YAE1: variants seen among roughly 807,000 people sequenced by gnomAD.
YAE1 encodes YAE1 maturation factor of ABCE1.
YAE1 carries 22 observed loss-of-function variants against 23.0 expected under a neutral mutation model. The ratio of observed to expected loss-of-function variants is 0.96; its 90% confidence interval spans 0.68 to 1.37. YAE1 has a LOEUF of 1.37. Among genes scored for constraint, YAE1 ranks in the 40% most tolerant of loss-of-function variants. The probability of loss-of-function intolerance (pLI) is 0.00; values close to 1 mark genes in which losing one functional copy is unlikely to be tolerated. For missense variants in YAE1, 260 were observed against 262.1 expected, an observed-to-expected ratio of 0.99 and a Z score of 0.06; for synonymous variants, 101 against 97.0, an observed-to-expected ratio of 1.04 and a Z score of -0.24.
downstream of YAE1, among the ~76,000 whole-genome samples, chr7:39,576,765 A>ACATAGATG (rs1790661806): frequency 6.6e-6 from 1 of 152,168 alleles, no homozygotes; most frequent in Non-Finnish European, 1.5e-5. Flanking sequence ...CACACCCTGT[A>ACATAGATG]CATAGATGCA....
intron 2 of YAE1, among the ~76,000 whole-genome samples, chr7:39,571,251 T>C (rs1472636602): frequency 6.6e-6 from 1 of 151,402 alleles, no homozygotes; most frequent in Non-Finnish European, 1.5e-5. Flanking sequence ...TTATGAAATT[T>C]TTTTCATGAT....
At chr7:39,588,234 G>A (rs901826915) in intron 2 of YAE1, among the ~76,000 whole-genome samples, 4 of 152,198 alleles carry the variant, frequency 2.6e-5, no homozygotes, top group African/African-American at 7.2e-5. Context: ...AAAATGGGCC[G>A]GACGTGGTGG....
At chr7:39,585,370 GA>G (rs1396278930) in intron 2 of YAE1, among the ~76,000 whole-genome samples, 1 of 152,218 alleles carries the variant, frequency 6.6e-6, no homozygotes, top group Admixed American at 6.5e-5. Context: ...ATCCTTATAA[GA>G]AGAGGAAATT....
chr7:39,579,514 CA>C (rs1790709504), intron 2 of YAE1, among the ~76,000 whole-genome samples: 1 of 151,816 alleles, frequency 6.6e-6, no homozygotes, highest in African/African-American at 2.4e-5. Context: ...ACTAAAAATA[CA>C]AAAATTAGTC....
At chr7:39,577,413 C>G (rs985044749), downstream of YAE1, among the ~76,000 whole-genome samples, 1 of 152,192 alleles carries the variant, frequency 6.6e-6, no homozygotes, top group Non-Finnish European at 1.5e-5. Flanking sequence ...AGGCCGGAAC[C>G]GGCTCCCTCC....
chr7:39,578,567 G>C (rs1352769257), intron 2 of YAE1, among the ~76,000 whole-genome samples: 3 of 152,168 alleles, frequency 2.0e-5, no homozygotes, highest in Non-Finnish European at 2.9e-5. Flanking sequence ...GAACCCATTG[G>C]AAGAATGAAC....
intron 1 of YAE1, chr7:39,569,536 AT>A (rs1790532297): frequency 3.0e-5 from 15 of 496,486 alleles, no homozygotes; most frequent in Non-Finnish European, 4.3e-5. Context: ...GATTCTGATA[AT>A]TTTTTTGAAG....
At chr7:39,582,686 A>G (rs556452963) in intron 2 of YAE1, among the ~76,000 whole-genome samples, 1 of 152,338 alleles carries the variant, frequency 6.6e-6, no homozygotes, top group Admixed American at 6.5e-5. Flanking sequence ...AAGGTAGCAG[A>G]AGCACTGAGG....
chr7:39,577,322 G>A (rs901199402), downstream of YAE1, among the ~76,000 whole-genome samples: 2 of 152,258 alleles, frequency 1.3e-5, no homozygotes, highest in Non-Finnish European at 2.9e-5. Context: ...TGCCTCCTTG[G>A]CCTCAGCACC....
chr7:39,609,570 T>C, intron 2 of YAE1: 1 of 1,515,038 alleles, frequency 6.6e-7, no homozygotes, highest in Admixed American at 2.0e-5. Flanking sequence ...GTGGGGACAG[T>C]GATAACAGAG....
chr7:39,583,948 G>C (rs1293456647), intron 2 of YAE1, among the ~76,000 whole-genome samples: 1 of 152,146 alleles, frequency 6.6e-6, no homozygotes, highest in Non-Finnish European at 1.5e-5. Context: ...CTAGACATTA[G>C]CTATTATTAT....
intron 2 of YAE1, 117 bp from the exon 3 acceptor site, chr7:39,572,160 G>A: frequency 1.8e-6 from 2 of 1,094,432 alleles, no homozygotes; most frequent in Admixed American, 6.1e-5. Flanking sequence ...TGAAAGAGGG[G>A]TTATGAATTA....
At chr7:39,600,734 A>G (rs1219829801) in intron 2 of YAE1, among the ~76,000 whole-genome samples, 1 of 152,168 alleles carries the variant, frequency 6.6e-6, no homozygotes, top group African/African-American at 2.4e-5. Flanking sequence ...GGGGACAAAC[A>G]TGCACACTAG....
chr7:39,595,117 C>A (rs4720330), intron 2 of YAE1, among the ~76,000 whole-genome samples: 10,304 of 151,992 alleles, frequency 0.068, 609 homozygotes, highest in East Asian at 0.18. Flanking sequence ...AAAAAAGTAA[C>A]CAGGCAACCT....
At chr7:39,595,424 G>A (rs986159703) in intron 2 of YAE1, among the ~76,000 whole-genome samples, 2 of 151,634 alleles carry the variant, frequency 1.3e-5, no homozygotes, top group Non-Finnish European at 2.9e-5. Context: ...TGGGACGTAT[G>A]CCAGAAGAGC....
At chr7:39,583,643 G>A (rs1790776173) in intron 2 of YAE1, among the ~76,000 whole-genome samples, 1 of 152,204 alleles carries the variant, frequency 6.6e-6, no homozygotes, top group African/African-American at 2.4e-5. Context: ...TAATAACAGT[G>A]TGCCTATAAG....
At chr7:39,595,723 G>A (rs1421373002) in intron 2 of YAE1, among the ~76,000 whole-genome samples, 5 of 152,162 alleles carry the variant, frequency 3.3e-5, no homozygotes, top group Non-Finnish European at 7.3e-5. Context: ...CAAGTACAAT[G>A]ACTGGAGATG....
chr7:39,609,659 G>A, exon 3 of YAE1: 1 of 1,535,710 alleles, frequency 6.5e-7, no homozygotes, highest in East Asian at 2.4e-5. Context: ...GAGCCCCGCT[G>A]AGGAGTCCGG....
intron 2 of YAE1, among the ~76,000 whole-genome samples, chr7:39,587,509 G>T (rs536925591): frequency 7.9e-5 from 12 of 152,046 alleles, no homozygotes; most frequent in Non-Finnish European, 1.8e-4. Flanking sequence ...ATTTTCCAGG[G>T]GTATGACTAA....
Sources: allele counts gnomAD v4.1 joint callset (sites outside exome capture counted in the v4.1 genomes callset), GRCh38; gene constraint gnomAD v4.1.1; transcripts MANE v1.5; gene names NCBI Gene and HGNC (gene_info 2026-07-23, HGNC 2026-07-21).